EPB41L4A: variants seen among roughly 807,000 people sequenced by gnomAD.
The protein encoded by EPB41L4A is erythrocyte membrane protein band 4.1 like 4A.
A neutral mutation model predicts 108.6 loss-of-function variants in EPB41L4A; 100 were observed. The ratio of observed to expected loss-of-function variants is 0.92; its 90% CI spans 0.78 to 1.09. The LOEUF (loss-of-function observed/expected upper bound fraction) is 1.09. EPB41L4A is among the 50% of genes least tolerant of loss of function. The pLI, the probability that EPB41L4A is intolerant of heterozygous loss-of-function variation, is 0.00. For synonymous variants in EPB41L4A, 319 were observed against 289.0 expected (o/e 1.10, Z -1.05); for missense variants, 1,030 against 842.7 (o/e 1.22, Z -2.75).
chr5:112,367,770 G>C (rs1331213461), intron 1 of EPB41L4A, among the ~76,000 whole-genome samples: 5 of 151,644 alleles, frequency 3.3e-5, no homozygotes, highest in African/African-American at 9.8e-5. Context: ...AAGAATCACA[G>C]GAATGACATT....
At chr5:112,418,749 A>G (rs1356957041) in intron 1 of EPB41L4A, among the ~76,000 whole-genome samples, 192 bp downstream of exon 1, 3 of 151,998 alleles carry the variant, frequency 2.0e-5, no homozygotes, top group Non-Finnish European at 4.4e-5. Flanking sequence ...ACTTTGCTTT[A>G]TGAAGGAACT....
At position 112,361,229 on chromosome 5, in the gene EPB41L4A, G is replaced by A. The variant is rs569497425; in HGVS notation, c.100-53739C>T. Among the ~76,000 whole-genome samples, 258 of 152,208 alleles carry A rather than the reference G, an allele frequency of 1.7e-3. 1 individual carries two copies. The highest frequency in any genetic ancestry group is 5.6e-3 in the African/African-American group (234 of 41,540). On this transcript the variant is annotated intron_variant, in intron 1 of 22. Coordinates refer to ENST00000261486, the MANE Select transcript of EPB41L4A (RefSeq NM_022140.5). ...AATCTATGACCTTTCCCCCAACCCC[G>A]TGCTCTCTGAAACATGTGCTGTGTC... is the stretch of plus-strand genomic sequence containing the variant.
intron 2 of EPB41L4A, among the ~76,000 whole-genome samples, chr5:112,289,935 C>A (rs1360157833): frequency 6.6e-6 from 1 of 152,204 alleles, no homozygotes; most frequent in Non-Finnish European, 1.5e-5. Flanking sequence ...CCTCTTTTAT[C>A]TTCATTCTTG....
chr5:112,297,623 G>C (rs1754081916), intron 2 of EPB41L4A, among the ~76,000 whole-genome samples: 1 of 152,122 alleles, frequency 6.6e-6, no homozygotes. Flanking sequence ...CTATGCAAAA[G>C]CTCTTTAGTT....
intron 9 of EPB41L4A, among the ~76,000 whole-genome samples, chr5:112,242,742 T>C (rs969494255): frequency 6.6e-6 from 1 of 152,218 alleles, no homozygotes; most frequent in Admixed American, 6.5e-5. Context: ...TGAAGTTACC[T>C]CTTGATCCAT....
At chr5:112,206,487 T>C (rs1161077201) in intron 13 of EPB41L4A, among the ~76,000 whole-genome samples, 1 of 152,190 alleles carries the variant, frequency 6.6e-6, no homozygotes, top group Non-Finnish European at 1.5e-5. Context: ...GCTTAGTTTA[T>C]TATTTTTATA....
chr5:112,141,936 C>A (rs1330741364), downstream of EPB41L4A, among the ~76,000 whole-genome samples: 1 of 152,160 alleles, frequency 6.6e-6, no homozygotes, highest in African/African-American at 2.4e-5. Flanking sequence ...CCCAACAACA[C>A]CGTGAGAACT....
At chr5:112,226,203 T>C (rs1748439024) in intron 12 of EPB41L4A, among the ~76,000 whole-genome samples, 1 of 152,206 alleles carries the variant, frequency 6.6e-6, no homozygotes, top group African/African-American at 2.4e-5. Flanking sequence ...TTCTTTCTAA[T>C]GGATATTTAG....
Position 112,224,959 on chromosome 5 carries a change from A to G in EPB41L4A, c.1087+9675T>C, listed in dbSNP as rs547715435. On this transcript the variant is annotated intron_variant, in intron 12 of 22. Coordinates refer to ENST00000261486, the MANE Select transcript of EPB41L4A (RefSeq NM_022140.5). Reference sequence around the variant, plus strand: ...TTCTAACCCTTTTGTATGAAAATTTATACTAACTTCTTCCTTTTTCTGACC... The same window carrying G: ...TTCTAACCCTTTTGTATGAAAATTTGTACTAACTTCTTCCTTTTTCTGACC... 3.3e-4 allele frequency among the ~76,000 whole-genome samples: 50 copies of G among 152,358 alleles called. 1 individual carries two copies. In the South Asian group the frequency reaches 6.4e-3, roughly 20 times the overall value.
intron 1 of EPB41L4A, among the ~76,000 whole-genome samples, chr5:112,373,355 C>T (rs1303918532): frequency 6.6e-6 from 1 of 152,206 alleles, no homozygotes; most frequent in Non-Finnish European, 1.5e-5. Flanking sequence ...ACTCCATGAA[C>T]CAATCTATCT....
intron 1 of EPB41L4A, among the ~76,000 whole-genome samples, chr5:112,348,013 T>C (rs898457007): frequency 6.6e-6 from 1 of 152,226 alleles, no homozygotes; most frequent in Non-Finnish European, 1.5e-5. Flanking sequence ...CATTTGAGCT[T>C]CTCTACTATG....
chr5:112,222,096 G>T (rs531694632), intron 12 of EPB41L4A, among the ~76,000 whole-genome samples: 1 of 152,248 alleles, frequency 6.6e-6, no homozygotes, highest in East Asian at 1.9e-4. Context: ...ATGCCCCAAA[G>T]AACTTACACA....
At position 112,232,348 on chromosome 5, in the gene EPB41L4A, C is replaced by G. The variant is rs76101521; in HGVS notation, c.1087+2286G>C. Among the ~76,000 whole-genome samples the G allele has an allele frequency of 5.8e-3, 883 of 152,280 alleles. 3 individuals carry two copies. The highest frequency in any genetic ancestry group is 0.01 in the Middle Eastern group (3 of 294). Reference sequence around the variant, plus strand: ...AAGTCAGTAACCAATGCCCAGTAAACCTACTCCACAGTAGTTTTAGCCAAA... The same window carrying G: ...AAGTCAGTAACCAATGCCCAGTAAAGCTACTCCACAGTAGTTTTAGCCAAA... On this transcript the variant is annotated intron_variant, in intron 12 of 22. Coordinates refer to ENST00000261486, the MANE Select transcript of EPB41L4A (RefSeq NM_022140.5).
intron 1 of EPB41L4A, among the ~76,000 whole-genome samples, chr5:112,364,371 G>A (rs116219278): frequency 0.018 from 2,707 of 152,224 alleles, 84 homozygotes; most frequent in African/African-American, 0.061. Context: ...AACATTTATT[G>A]ATATTCACAT....
At chr5:112,177,349 G>A (rs1760920478) in intron 18 of EPB41L4A, among the ~76,000 whole-genome samples, 1 of 152,154 alleles carries the variant, frequency 6.6e-6, no homozygotes, top group Non-Finnish European at 1.5e-5. Flanking sequence ...TTCCTCTTCT[G>A]TCACCTCTTC....
At chr5:112,363,015 T>C (rs531158823) in intron 1 of EPB41L4A, among the ~76,000 whole-genome samples, 1 of 152,262 alleles carries the variant, frequency 6.6e-6, no homozygotes, top group East Asian at 1.9e-4. Flanking sequence ...GGAAGCCAAT[T>C]CCTACCTGAG....
rs935555534 is a variant in EPB41L4A at position 112,163,570 on chromosome 5, C to A, written c.*1420G>T. ...TTATATTAAAGAAGCAAAAGAATGT[C>A]CTAAAAATTCTCCCTGGGATTAAGT... On this transcript the variant is annotated 3_prime_UTR_variant, in exon 23 of 23. Transcript: ENST00000261486. 1 of 152,066 alleles carries A rather than the reference C, an allele frequency of 6.6e-6. No individual in the cohort carries two copies. The highest frequency in any genetic ancestry group is 2.4e-5 in the African/African-American group (1 of 41,402). 9.4% of individuals were successfully genotyped at this position (152,066 alleles called of 1,614,324 possible).
intron 14 of EPB41L4A, among the ~76,000 whole-genome samples, chr5:112,205,144 T>C (rs914963100): frequency 6.6e-6 from 1 of 152,228 alleles, no homozygotes; most frequent in Non-Finnish European, 1.5e-5. Flanking sequence ...CATTTAGAGT[T>C]TTCAGAAATA....
Position 112,406,187 on chromosome 5 carries a change from T to A in EPB41L4A, c.99+12754A>T, listed in dbSNP as rs115461305. ...AAACAGCAGCAGAAGCACAAAATAA[T>A]CATTATCAAGGGAAAAGATCTATTA... On this transcript the variant is annotated intron_variant, in intron 1 of 22. Coordinates refer to ENST00000261486, the MANE Select transcript of EPB41L4A (RefSeq NM_022140.5). 5.1e-3 allele frequency among the ~76,000 whole-genome samples: 773 copies of A among 152,296 alleles called. 3 individuals carry two copies. The highest frequency in any genetic ancestry group is 0.018 in the African/African-American group (736 of 41,580).
Sources: gnomAD v4.1 joint callset for allele counts (sites outside exome capture counted in the v4.1 genomes callset) on GRCh38, gnomAD v4.1.1 for gene constraint, MANE v1.5 for transcripts, NCBI Gene and HGNC (gene_info 2026-07-23, HGNC 2026-07-21) for gene names.